Variants in NPAS3 observed in about 807,000 individuals in gnomAD.
NPAS3 encodes neuronal PAS domain-containing protein 3.
A neutral mutation model predicts 73.1 loss-of-function variants in NPAS3; 14 were observed. The observed-to-expected ratio is 0.19, with a 90% CI of 0.13 to 0.30. The LOEUF (loss-of-function observed/expected upper bound fraction) is 0.30, where lower values mean the gene tolerates loss of function less well. Ranked by LOEUF, NPAS3 falls within the 10% of genes least tolerant of loss-of-function variation. The pLI is 1.00. For synonymous variants in NPAS3, 620 were observed against 541.5 expected (o/e 1.14, Z -2.01); for missense variants, 1,096 against 1,250.0 (o/e 0.88, Z 1.86).
At chr14:32,979,682 T>C (rs2983179) in intron 1 of NPAS3, among the ~76,000 whole-genome samples, 151,065 of 152,314 alleles carry the variant, frequency 0.99, 74,923 homozygotes, top group East Asian at 1. Flanking sequence ...GGGATTTAAA[T>C]GCATCATATT....
At chr14:33,753,563 G>A (rs2062027718) in intron 7 of NPAS3, among the ~76,000 whole-genome samples, 1 of 152,128 alleles carries the variant, frequency 6.6e-6, no homozygotes, top group Admixed American at 6.6e-5. Context: ...AAAAGAAGTA[G>A]CCAATACACT....
rs571580524 is a variant in NPAS3, at chr14:33,305,902, G to C, written c.386-61284G>C. ...TCTATGCCTGGTATTCTCTGAATTT[G>C]CAAGTGTAGGCCCAGCAAAACATTA... On this transcript the variant is annotated intron_variant, in intron 3 of 11. Coordinates refer to ENST00000356141, the Ensembl canonical transcript of NPAS3. Among the ~76,000 whole-genome samples the C allele has an allele frequency of 1.4e-3, 211 of 152,290 alleles. 2 individuals are homozygous for C. The highest frequency in any genetic ancestry group is 4.9e-3 in the African/African-American group (202 of 41,574).
At chr14:33,778,925 T>C (rs2062899660) in intron 9 of NPAS3, among the ~76,000 whole-genome samples, 1 of 152,136 alleles carries the variant, frequency 6.6e-6, no homozygotes, top group Non-Finnish European at 1.5e-5. Context: ...TGGTCTCAGT[T>C]TCAAAGTACA....
intron 2 of NPAS3, among the ~76,000 whole-genome samples, chr14:33,102,235 C>G (rs909955351): frequency 6.6e-6 from 1 of 152,082 alleles, no homozygotes; most frequent in Non-Finnish European, 1.5e-5. Context: ...CAAAAATTAG[C>G]TAGGGATAGA....
intron 5 of NPAS3, among the ~76,000 whole-genome samples, chr14:33,658,752 G>A (rs1398712555): frequency 6.6e-6 from 1 of 152,122 alleles, no homozygotes; most frequent in Non-Finnish European, 1.5e-5. Context: ...TGATCCCTGT[G>A]GATCAAAGGC....
At chr14:33,068,539 G>T (rs967905213) in intron 2 of NPAS3, among the ~76,000 whole-genome samples, 10 of 152,168 alleles carry the variant, frequency 6.6e-5, no homozygotes, top group African/African-American at 2.4e-4. Flanking sequence ...AAAGTTGGAT[G>T]ATTCTCAAAG....
chr14:33,261,682 T>C (rs1194436846), intron 3 of NPAS3, among the ~76,000 whole-genome samples: 2 of 152,186 alleles, frequency 1.3e-5, no homozygotes, highest in Non-Finnish European at 2.9e-5. Context: ...ATCATCATAA[T>C]ACAAAGTTTG....
At chr14:33,507,746 TAA>T (rs1193542568) in intron 4 of NPAS3, among the ~76,000 whole-genome samples, 1 of 152,054 alleles carries the variant, frequency 6.6e-6, no homozygotes, top group Non-Finnish European at 1.5e-5. Context: ...TTTCTTTGTC[TAA>T]TAAATATCAA....
At chr14:33,476,035 C>A (rs1436136707) in intron 4 of NPAS3, among the ~76,000 whole-genome samples, 1 of 152,166 alleles carries the variant, frequency 6.6e-6, no homozygotes, top group East Asian at 1.9e-4. Context: ...AAGAATAAGA[C>A]GTGCCTTACA....
chr14:33,524,149 T>C (rs1030523271), intron 4 of NPAS3, among the ~76,000 whole-genome samples: 1 of 152,200 alleles, frequency 6.6e-6, no homozygotes, highest in Non-Finnish European at 1.5e-5. Context: ...TCAGAAAGAC[T>C]GTCTTGACAA....
intron 7 of NPAS3, among the ~76,000 whole-genome samples, chr14:33,736,747 T>C (rs542897689): frequency 6.6e-6 from 1 of 152,296 alleles, no homozygotes; most frequent in African/African-American, 2.4e-5. Context: ...TTTCTTCACC[T>C]TTATTCATTT....
rs111966301 is a variant in NPAS3 at position 33,075,627 on chromosome 14, A to G, written c.140+19633A>G. Among the ~76,000 whole-genome samples the G allele has an allele frequency of 3.7e-3, 556 of 152,304 alleles. 5 individuals are homozygous for G. Among genetic ancestry groups the G allele is most frequent in the African/African-American group, 0.013 (536 of 41,550 alleles). On this transcript the variant is annotated intron_variant, in intron 2 of 11. Coordinates refer to ENST00000356141, the Ensembl canonical transcript of NPAS3. ...TAGCAGCTTCTATTAGTCAACAGAA[A>G]CGCTTAGAAAACTGCCTCCTGTATG...
In NPAS3 at chr14:33,004,449, G is replaced by A. The variant is rs961350831; in HGVS notation, c.51-51456G>A. On this transcript the variant is annotated intron_variant, in intron 1 of 11. Coordinates refer to ENST00000356141, the Ensembl canonical transcript of NPAS3. ...AGGTCCAGTAAAAATACAGAAAAAA[G>A]AAGAGAAATGGTACTCCTGTATAGG... Among the ~76,000 whole-genome samples, 26 of 152,244 alleles carry A rather than the reference G, an allele frequency of 1.7e-4. 1 individual carries two copies. In the South Asian group the frequency reaches 5.0e-3, roughly 29 times the overall value.
chr14:33,503,693 GAAGAA>G (rs2052625180), intron 4 of NPAS3, among the ~76,000 whole-genome samples: 1 of 151,958 alleles, frequency 6.6e-6, no homozygotes, highest in South Asian at 2.1e-4. Context: ...AGCTTGATGA[GAAGAA>G]ATATGACTTG....
chr14:33,488,859 T>C (rs1413401553), intron 4 of NPAS3, among the ~76,000 whole-genome samples: 3 of 152,122 alleles, frequency 2.0e-5, no homozygotes, highest in Non-Finnish European at 4.4e-5. Context: ...GTGTTTTCCA[T>C]ATTGAGGTGC....
At chr14:33,394,081 T>C (rs1034284819) in intron 4 of NPAS3, among the ~76,000 whole-genome samples, 9 of 152,302 alleles carry the variant, frequency 5.9e-5, no homozygotes, top group African/African-American at 1.7e-4. Context: ...ACAAACATTG[T>C]CTATGGTAAT....
intron 5 of NPAS3, among the ~76,000 whole-genome samples, chr14:33,576,744 C>G (rs540389251): frequency 6.6e-6 from 1 of 152,246 alleles, no homozygotes; most frequent in South Asian, 2.1e-4. Context: ...TGATACGAAT[C>G]GAGAATAAAA....
chr14:33,550,902 A>G (rs1334901732), intron 4 of NPAS3, among the ~76,000 whole-genome samples: 1 of 152,212 alleles, frequency 6.6e-6, no homozygotes, highest in East Asian at 1.9e-4. Flanking sequence ...GTTACTCACA[A>G]AAAATTTTAA....
At chr14:33,356,950 G>T (rs1427646171) in intron 3 of NPAS3, among the ~76,000 whole-genome samples, 1 of 152,116 alleles carries the variant, frequency 6.6e-6, no homozygotes, top group Non-Finnish European at 1.5e-5. Flanking sequence ...ATATGTTCTC[G>T]ATTCTAGGTC....
Sources: gnomAD v4.1 joint callset for allele counts (sites outside exome capture counted in the v4.1 genomes callset) on GRCh38, gnomAD v4.1.1 for gene constraint, MANE v1.5 for transcripts, NCBI Gene and HGNC (gene_info 2026-07-23, HGNC 2026-07-21) for gene names.